Variants in KCNQ1 observed in about 807,000 individuals in gnomAD.
KCNQ1 encodes potassium voltage-gated channel subfamily Q member 1, also known as potassium voltage-gated channel subfamily KQT member 1.
In KCNQ1, 49 loss-of-function variants were observed where a neutral mutation model predicts 72.4. The ratio of observed to expected loss-of-function variants is 0.68; its 90% CI spans 0.54 to 0.86. The LOEUF (loss-of-function observed/expected upper bound fraction) is 0.86. KCNQ1 is among the 40% of genes least tolerant of loss of function. The pLI, the probability that KCNQ1 is intolerant of heterozygous loss-of-function variation, is 0.00. For synonymous variants in KCNQ1, 450 were observed against 412.6 expected, an observed-to-expected ratio of 1.09 and a Z score of -1.10; for missense variants, 790 against 945.1, an observed-to-expected ratio of 0.84 and a Z score of 2.15.
rs1292412005 is a variant in KCNQ1 at position 2,565,890 on chromosome 11, G to A, written c.478-4738G>A. On this transcript the variant is annotated intron_variant, in intron 2 of 15. Coordinates refer to ENST00000155840, the MANE Select transcript of KCNQ1 (RefSeq NM_000218.3). The surrounding 1 kb of genome is among the most constrained non-coding windows in gnomAD (Gnocchi z 5.6). ...AGGCCCTTCACTGGGTCTGGAGGAA[G>A]GAGGGTGCTGTGGTCCTGGTGGCTC... Among the ~76,000 whole-genome samples, 2 of 152,336 alleles carry A rather than the reference G, an allele frequency of 1.3e-5. No individual in the cohort carries two copies. The highest frequency in any genetic ancestry group is 1.9e-4 in the East Asian group (1 of 5,178).
chr11:2,534,735 T>C (rs1433659034), intron 2 of KCNQ1, among the ~76,000 whole-genome samples: 3 of 152,158 alleles, frequency 2.0e-5, no homozygotes, highest in Non-Finnish European at 4.4e-5. Context: ...CTAAGACCGG[T>C]CCCCACCACC....
At chr11:2,461,791 A>T in intron 1 of KCNQ1, 1 of 1,234,880 alleles carries the variant, frequency 8.1e-7, no homozygotes, top group Non-Finnish European at 1.1e-6. Context: ...GTGGTCAGTT[A>T]TGGGTGGCGG....
intron 10 of KCNQ1, chr11:2,631,935 C>A (rs765547568): frequency 3.5e-5 from 14 of 397,080 alleles, no homozygotes; most frequent in Non-Finnish European, 6.2e-5. Flanking sequence ...GTAATCCCAG[C>A]ACTTTGGGAG....
chr11:2,533,062 G>A (rs905806651), intron 2 of KCNQ1, among the ~76,000 whole-genome samples: 2 of 152,052 alleles, frequency 1.3e-5, no homozygotes, highest in Non-Finnish European at 2.9e-5. Flanking sequence ...AGGAGGGGCC[G>A]GGCGGGTGCA....
intron 11 of KCNQ1, among the ~76,000 whole-genome samples, chr11:2,753,329 T>C (rs1846254933): frequency 6.6e-6 from 1 of 152,146 alleles, no homozygotes; most frequent in Non-Finnish European, 1.5e-5. Context: ...TTCAGAGGCC[T>C]CCGTGTCTGC....
intron 11 of KCNQ1, among the ~76,000 whole-genome samples, chr11:2,730,792 C>T (rs541658107): frequency 5.3e-5 from 8 of 152,242 alleles, no homozygotes; most frequent in Non-Finnish European, 7.4e-5. Context: ...ATGGTGGTTT[C>T]GAAGGGCAGA....
At position 2,817,430 on chromosome 11, in the gene KCNQ1, G is replaced by A. The variant is rs1489699998; in HGVS notation, c.1795-30337G>A. Reference sequence around the variant, plus strand: ...CTTGTGCAGACACTGATACCCTTAGGATGAAGCTGACCCCAGTCGTGGCAG... The same window carrying A: ...CTTGTGCAGACACTGATACCCTTAGAATGAAGCTGACCCCAGTCGTGGCAG... On this transcript the variant is annotated intron_variant, in intron 15 of 15. Transcript: ENST00000155840. The surrounding 1 kb of genome is among the most constrained non-coding windows in gnomAD (Gnocchi z 6.1). Among the ~76,000 whole-genome samples the A allele has an allele frequency of 1.3e-5, 2 of 152,078 alleles. No individual in the cohort carries two copies. The highest frequency in any genetic ancestry group is 4.8e-5 in the African/African-American group (2 of 41,406).
At position 2,669,530 on chromosome 11, in the gene KCNQ1, A is replaced by T; in HGVS notation, c.1514+7449A>T. The T allele has an allele frequency of 2.5e-6, 1 of 398,640 alleles. No individual in the cohort carries two copies. Among genetic ancestry groups the T allele is most frequent in the Non-Finnish European group, 4.4e-6 (1 of 226,072 alleles). The allele number at this position is 398,640 out of a possible 1,614,324, so 24.7% of individuals were successfully genotyped here. On this transcript the variant is annotated intron_variant, in intron 11 of 15. Coordinates refer to ENST00000155840, the MANE Select transcript of KCNQ1 (RefSeq NM_000218.3). This position sits in a 1 kb window ranked among gnomAD's most constrained non-coding sequence, Gnocchi z 5.6. Reference sequence around the variant, plus strand: ...CTAATGGTTTGATGTATGTTCGCTGAATCCAGGGACAAGGTCTGTCAGGGA... The same window carrying T: ...CTAATGGTTTGATGTATGTTCGCTGTATCCAGGGACAAGGTCTGTCAGGGA...
chr11:2,716,295 A>C (rs1643059915), intron 11 of KCNQ1, among the ~76,000 whole-genome samples: 1 of 151,702 alleles, frequency 6.6e-6, no homozygotes, highest in African/African-American at 2.4e-5. Flanking sequence ...GCCCACACCT[A>C]CCCTCTGCAT....
intron 1 of KCNQ1, among the ~76,000 whole-genome samples, chr11:2,502,957 G>A (rs565748681): frequency 6.6e-6 from 1 of 152,282 alleles, no homozygotes; most frequent in Admixed American, 6.5e-5. Context: ...TTCAATAAAC[G>A]ATGCTGGGAA....
At chr11:2,727,779 G>A (rs1046670652) in intron 11 of KCNQ1, among the ~76,000 whole-genome samples, 4 of 152,118 alleles carry the variant, frequency 2.6e-5, no homozygotes, top group South Asian at 4.1e-4. Flanking sequence ...ATTCCACAAC[G>A]GTGTCGATGT....
chr11:2,824,858 C>T lies in KCNQ1; in HGVS notation c.1795-22909C>T, dbSNP rs970653477. On this transcript the variant is annotated intron_variant, in intron 15 of 15. Coordinates refer to ENST00000155840, the MANE Select transcript of KCNQ1 (RefSeq NM_000218.3). The surrounding 1 kb of genome is among the most constrained non-coding windows in gnomAD (Gnocchi z 5.9). Reference sequence around the variant, plus strand: ...GCCGCATCCATCCTGCCCCTGGCACCGGAGGGTACACTGATCAGGGACACG... The same window carrying T: ...GCCGCATCCATCCTGCCCCTGGCACTGGAGGGTACACTGATCAGGGACACG... Among the ~76,000 whole-genome samples the T allele has an allele frequency of 7.2e-5, 11 of 152,202 alleles. No individual in the cohort carries two copies. The highest frequency in any genetic ancestry group is 2.4e-4 in the African/African-American group (10 of 41,444).
In KCNQ1 at chr11:2,762,287, C is replaced by T. The variant is rs1175968193; in HGVS notation, c.1515-6557C>T. Among the ~76,000 whole-genome samples, 1 of 152,186 alleles carries T rather than the reference C, an allele frequency of 6.6e-6. No homozygotes were observed. The highest frequency in any genetic ancestry group is 2.4e-5 in the African/African-American group (1 of 41,438). On this transcript the variant is annotated intron_variant, in intron 11 of 15. Coordinates refer to ENST00000155840, the MANE Select transcript of KCNQ1 (RefSeq NM_000218.3). This position sits in a 1 kb window ranked among gnomAD's most constrained non-coding sequence, Gnocchi z 4.3. ...TTGCGTTCCTTTAAAGACGTCTTTG[C>T]CCATCCCAGGTCGTGAAAATATTAT...
intron 6 of KCNQ1, among the ~76,000 whole-genome samples, chr11:2,574,961 G>C (rs1328665290): frequency 6.6e-6 from 1 of 152,188 alleles, no homozygotes; most frequent in African/African-American, 2.4e-5. Flanking sequence ...GATGGGTAGG[G>C]CGTGCTCGGG....
At chr11:2,751,612 C>T (rs946867701) in intron 11 of KCNQ1, among the ~76,000 whole-genome samples, 5 of 152,274 alleles carry the variant, frequency 3.3e-5, no homozygotes, top group Admixed American at 6.5e-5. Flanking sequence ...TCAAACGGGG[C>T]GGCGACCCTC....
At position 2,782,457 on chromosome 11, in the gene KCNQ1, C is replaced by T. The variant is rs183201192; in HGVS notation, c.1794+4420C>T. On this transcript the variant is annotated intron_variant, in intron 15 of 15. Coordinates refer to ENST00000155840, the MANE Select transcript of KCNQ1 (RefSeq NM_000218.3). This position sits in a 1 kb window ranked among gnomAD's most constrained non-coding sequence, Gnocchi z 6.1. The stretch of plus-strand genomic sequence containing the variant: ...GCTTTGGTGTCAAATGTATGTGAGC[C>T]TCACAGACTAACTTAAGAAGTGTTC... Among the ~76,000 whole-genome samples the T allele has an allele frequency of 1.1e-4, 16 of 152,310 alleles. No homozygotes were observed. Among genetic ancestry groups the T allele is most frequent in the East Asian group, 9.6e-4 (5 of 5,188 alleles).
At position 2,579,730 on chromosome 11, in the gene KCNQ1, C is replaced by A. The variant is rs1848471589; in HGVS notation, c.922-3705C>A. ...CACCCAGGGGCACTTCTGGGGCTGG[C>A]CTTTCTCTCCCTCTCGGGGCACCCC... is the stretch of plus-strand genomic sequence containing the variant. On this transcript the variant is annotated intron_variant, in intron 6 of 15. Transcript: ENST00000155840. This position sits in a 1 kb window ranked among gnomAD's most constrained non-coding sequence, Gnocchi z 6.0. Among the ~76,000 whole-genome samples, 1 of 152,112 alleles carries A rather than the reference C, an allele frequency of 6.6e-6. No homozygotes were observed. The highest frequency in any genetic ancestry group is 6.5e-5 in the Admixed American group (1 of 15,282).
Position 2,676,085 on chromosome 11 carries a change from G to A in KCNQ1, c.1514+14004G>A, listed in dbSNP as rs1850288507. 2.5e-6 allele frequency: 1 copy of A among 398,544 alleles called. No individual in the cohort carries two copies. The highest frequency in any genetic ancestry group is 4.4e-6 in the Non-Finnish European group (1 of 226,056). 24.7% of individuals were successfully genotyped at this position (398,544 alleles called of 1,614,324 possible). On this transcript the variant is annotated intron_variant, in intron 11 of 15. Coordinates refer to ENST00000155840, the MANE Select transcript of KCNQ1 (RefSeq NM_000218.3). This position sits in a 1 kb window ranked among gnomAD's most constrained non-coding sequence, Gnocchi z 4.2. The stretch of plus-strand genomic sequence containing the variant: ...GTATTTTATATAAACAAATATACGT[G>A]TGTCTGTGTGTGCATGTACTTAGTA...
chr11:2,596,005 C>T (rs866518719), intron 10 of KCNQ1, among the ~76,000 whole-genome samples: 3 of 152,222 alleles, frequency 2.0e-5, no homozygotes, highest in Middle Eastern at 3.4e-3. Flanking sequence ...TTGAAGATTT[C>T]AGTGGAGGAA....
Sources: gnomAD v4.1 joint callset for allele counts (sites outside exome capture counted in the v4.1 genomes callset) on GRCh38, gnomAD v4.1.1 for gene constraint, Gnocchi (gnomAD v3.1) non-coding constraint, MANE v1.5 for transcripts, NCBI Gene and HGNC (gene_info 2026-07-23, HGNC 2026-07-21) for gene names.